The following FGFR2 variants were observed in gnomAD, a reference collection of about 807,000 sequenced individuals.
FGFR2 encodes BEK fibroblast growth factor receptor.
FGFR2 carries 19 observed loss-of-function variants against 95.9 expected under a neutral mutation model. The ratio of observed to expected loss-of-function variants is 0.20; its 90% confidence interval spans 0.14 to 0.29. The LOEUF (loss-of-function observed/expected upper bound fraction) is 0.29. Among genes scored for constraint, FGFR2 ranks in the 10% least tolerant of loss-of-function variants. FGFR2 has a pLI of 1.00. For synonymous variants in FGFR2, 392 were observed against 393.3 expected (o/e 1.00, Z 0.04); for missense variants, 707 against 1,056.9 (o/e 0.67, Z 4.59).
intron 13 of FGFR2, among the ~76,000 whole-genome samples, chr10:121,494,970 C>T (rs1206101268): frequency 1.3e-5 from 2 of 152,160 alleles, no homozygotes; most frequent in African/African-American, 4.8e-5. Flanking sequence ...GGATCCAGTC[C>T]AGGATCCCAC....
At chr10:121,501,913 A>G (rs888634213) in intron 10 of FGFR2, among the ~76,000 whole-genome samples, 7 of 152,250 alleles carry the variant, frequency 4.6e-5, no homozygotes, top group Non-Finnish European at 7.3e-5. Flanking sequence ...TACAAGCATA[A>G]CAATCCTTTC....
At chr10:121,597,601 CG>C (rs1414815078) in intron 1 of FGFR2, among the ~76,000 whole-genome samples, 2 of 152,238 alleles carry the variant, frequency 1.3e-5, no homozygotes, top group Non-Finnish European at 2.9e-5. Context: ...AACCGGCCTG[CG>C]GGGCTGTGCC....
intron 9 of FGFR2, among the ~76,000 whole-genome samples, chr10:121,510,216 G>C (rs530027740): frequency 6.6e-6 from 1 of 152,134 alleles, no homozygotes; most frequent in Admixed American, 6.5e-5. Flanking sequence ...TCTGCCTCCC[G>C]CAGGCCTTTC....
At chr10:121,573,159 C>T (rs915094016) in intron 2 of FGFR2, among the ~76,000 whole-genome samples, 3 of 152,162 alleles carry the variant, frequency 2.0e-5, no homozygotes, top group African/African-American at 7.2e-5. Flanking sequence ...AAACTTTTCC[C>T]GTGTGGTTTT....
intron 11 of FGFR2, among the ~76,000 whole-genome samples, 184 bp from the exon 12 acceptor site, chr10:121,498,789 A>G (rs1489073488): frequency 1.3e-5 from 2 of 152,174 alleles, no homozygotes; most frequent in Non-Finnish European, 2.9e-5. Context: ...GAACTGCCTC[A>G]CTCTGTGTCA....
chr10:121,554,852 A>C (rs1249661948), intron 4 of FGFR2, among the ~76,000 whole-genome samples: 1 of 152,172 alleles, frequency 6.6e-6, no homozygotes, highest in Non-Finnish European at 1.5e-5. Context: ...TGGAAATGCC[A>C]GGGCCTCCCA....
rs1245279321 is a variant in FGFR2, at chr10:121,517,560, G to A, written c.940-97C>T. On this transcript the variant is annotated intron_variant, in intron 7 of 17. Coordinates refer to ENST00000358487, the MANE Select transcript of FGFR2 (RefSeq NM_000141.5). The surrounding 1 kb of genome is among the most constrained non-coding windows in gnomAD (Gnocchi z 4.7). ...CAAGGCGTCGCACCGGGGGCTTCAG[G>A]GGGTGCTGGCCACTGGGAGATTCCG... 3 of 1,458,410 alleles carry A rather than the reference G, an allele frequency of 2.1e-6. No individual in the cohort carries two copies. The highest frequency in any genetic ancestry group is 1.4e-5 in the African/African-American group (1 of 71,848). 90.3% of individuals were successfully genotyped at this position (1,458,410 alleles called of 1,614,324 possible). A position where few individuals can be genotyped will look rare whatever the true frequency, so the allele number is the denominator to read the frequency against.
intron 9 of FGFR2, among the ~76,000 whole-genome samples, chr10:121,505,153 C>T (rs1398022938): frequency 6.6e-6 from 1 of 152,302 alleles, no homozygotes; most frequent in East Asian, 1.9e-4. Context: ...GGGTCCTGGG[C>T]TCTTCTCACA....
intron 15 of FGFR2, among the ~76,000 whole-genome samples, chr10:121,486,553 T>G (rs1339994114): frequency 6.6e-6 from 1 of 152,218 alleles, no homozygotes; most frequent in East Asian, 1.9e-4. Context: ...GCGATTCTCC[T>G]GCCTCAGCCT....
In FGFR2 at chr10:121,591,015, T is replaced by A. The variant is rs1484820346; in HGVS notation, c.109+2694A>T. Among the ~76,000 whole-genome samples, 10 of 111,234 alleles carry A rather than the reference T, an allele frequency of 9.0e-5. No individual in the cohort carries two copies. In the South Asian group the frequency reaches 1.4e-3, roughly 16 times the overall value. 73.0% of individuals were successfully genotyped at this position (111,234 alleles called of 152,430 possible). The stretch of plus-strand genomic sequence containing the variant: ...CACACACACACACACACGCACACTC[T>A]CTCTCTCTCTCTCTCTCTTCCAATT... On this transcript the variant is annotated intron_variant, in intron 2 of 17. Transcript: ENST00000358487.
chr10:121,580,840 C>G (rs1284152377), intron 2 of FGFR2, among the ~76,000 whole-genome samples: 1 of 152,226 alleles, frequency 6.6e-6, no homozygotes, highest in Non-Finnish European at 1.5e-5. Context: ...AACAAACAAA[C>G]TTTGAAGAGT....
chr10:121,549,416 A>G (rs760668464), intron 5 of FGFR2, among the ~76,000 whole-genome samples: 5 of 152,164 alleles, frequency 3.3e-5, no homozygotes, highest in Non-Finnish European at 7.3e-5. Flanking sequence ...ACCTGGCTGT[A>G]AAGGACCTGA....
Position 121,520,003 on chromosome 10 carries a change from C to G in FGFR2, c.915G>C (p.Gly305=), listed in dbSNP as rs2134308608. 1 of 1,614,196 alleles carries G rather than the reference C, an allele frequency of 6.2e-7. No homozygotes were observed. Among genetic ancestry groups the G allele is most frequent in the East Asian group, 2.2e-5 (1 of 44,888 alleles). ...EKNGSKYGPD[G]LPYLKVLKAA... is the part of the protein sequence containing the mutation. ...CCTTGAGAACCTTGAGGTAGGGCAG[C>G]CCGTCGGGCCCGTATTTACTGCCGT... The change falls in exon 7 of 18, where the codon GGG becomes GGC. Residue 305 remains glycine, a synonymous_variant. Transcript: ENST00000358487.
At chr10:121,593,028 A>G (rs967878968) in intron 2 of FGFR2, among the ~76,000 whole-genome samples, 2 of 152,166 alleles carry the variant, frequency 1.3e-5, no homozygotes, top group African/African-American at 2.4e-5. Flanking sequence ...TTGGACTTAC[A>G]CCTTGAAAAT....
At chr10:121,523,160 C>T (rs1002763429) in intron 6 of FGFR2, among the ~76,000 whole-genome samples, 3 of 152,196 alleles carry the variant, frequency 2.0e-5, no homozygotes, top group African/African-American at 7.2e-5. Flanking sequence ...TCTATGTTTT[C>T]ACATTATAAA....
intron 2 of FGFR2, among the ~76,000 whole-genome samples, chr10:121,571,651 C>CAAACAAAA (rs1858753161): frequency 6.6e-6 from 1 of 151,214 alleles, no homozygotes; most frequent in East Asian, 2.0e-4. Flanking sequence ...AACAAACAAA[C>CAAACAAAA]AAAAACGACT....
At chr10:121,597,199 C>A (rs1195406213) in intron 1 of FGFR2, among the ~76,000 whole-genome samples, 1 of 152,222 alleles carries the variant, frequency 6.6e-6, no homozygotes, top group Non-Finnish European at 1.5e-5. Flanking sequence ...AGGGTCGGAG[C>A]CAGCGCCACG....
At chr10:121,507,847 T>C (rs1316426997) in intron 9 of FGFR2, among the ~76,000 whole-genome samples, 2 of 152,166 alleles carry the variant, frequency 1.3e-5, no homozygotes, top group Non-Finnish European at 2.9e-5. Flanking sequence ...GTGTGTAAGA[T>C]ACAGTCAGTC....
chr10:121,578,338 C>T (rs1358843779), intron 2 of FGFR2, among the ~76,000 whole-genome samples: 2 of 152,196 alleles, frequency 1.3e-5, no homozygotes, highest in Non-Finnish European at 2.9e-5. Flanking sequence ...ACCTACAAGC[C>T]CACCCAGCTC....
Sources: gnomAD v4.1 joint callset for allele counts (sites outside exome capture counted in the v4.1 genomes callset) on GRCh38, gnomAD v4.1.1 for gene constraint, Gnocchi (gnomAD v3.1) non-coding constraint, MANE v1.5 for transcripts, NCBI Gene and HGNC (gene_info 2026-07-23, HGNC 2026-07-21) for gene names.